Variants in CAMKMT observed in about 807,000 individuals in gnomAD.
CAMKMT encodes CaM KMT.
Under a neutral mutation model 48.0 loss-of-function variants are expected in CAMKMT, and 53 were observed. The observed-to-expected ratio is 1.10, with a 90% CI of 0.89 to 1.39. CAMKMT has a LOEUF of 1.39. Among genes scored for constraint, CAMKMT ranks in the 40% most tolerant of loss-of-function variants. The probability of loss-of-function intolerance (pLI) is 0.00; values close to 1 mark genes in which losing one functional copy is unlikely to be tolerated. For missense variants in CAMKMT, 428 were observed against 402.7 expected, an observed-to-expected ratio of 1.06 and a Z score of -0.54; for synonymous variants, 165 against 152.3, an observed-to-expected ratio of 1.08 and a Z score of -0.61.
chr2:44,398,866 G>C (rs181045109), intron 3 of CAMKMT, among the ~76,000 whole-genome samples: 1 of 152,136 alleles, frequency 6.6e-6, no homozygotes, highest in African/African-American at 2.4e-5. Flanking sequence ...CAAAATATTT[G>C]ATGATTGAAT....
chr2:44,402,118 G>A (rs1247032732), intron 3 of CAMKMT, among the ~76,000 whole-genome samples: 2 of 152,052 alleles, frequency 1.3e-5, no homozygotes, highest in Non-Finnish European at 2.9e-5. Context: ...CCTGAGGTTG[G>A]GCGTTCGAGA....
chr2:44,497,679 T>C (rs1038999662), intron 3 of CAMKMT, among the ~76,000 whole-genome samples: 5 of 147,974 alleles, frequency 3.4e-5, no homozygotes, highest in African/African-American at 7.4e-5. Flanking sequence ...GCATGTATTA[T>C]ACCTGTAATT....
intron 3 of CAMKMT, among the ~76,000 whole-genome samples, chr2:44,696,196 G>GC (rs2104239469): frequency 6.6e-6 from 1 of 152,302 alleles, no homozygotes. Flanking sequence ...GCCCGCCTCA[G>GC]CCTCCCAAAG....
At chr2:44,529,081 G>T (rs1276119215) in intron 3 of CAMKMT, among the ~76,000 whole-genome samples, 1 of 152,122 alleles carries the variant, frequency 6.6e-6, no homozygotes. Context: ...GGTATAGTTT[G>T]TATAGAAAAG....
At chr2:44,640,403 A>G (rs1319193190) in intron 3 of CAMKMT, among the ~76,000 whole-genome samples, 1 of 152,180 alleles carries the variant, frequency 6.6e-6, no homozygotes, top group Non-Finnish European at 1.5e-5. Context: ...GGTGCAAAAC[A>G]TAGGAATGTC....
chr2:44,565,780 G>A (rs1305038352), intron 3 of CAMKMT, among the ~76,000 whole-genome samples: 1 of 151,834 alleles, frequency 6.6e-6, no homozygotes, highest in Non-Finnish European at 1.5e-5. Context: ...TTTCCCCATT[G>A]TCTTATTCAC....
At chr2:44,650,892 A>G (rs1674021177) in intron 3 of CAMKMT, among the ~76,000 whole-genome samples, 1 of 152,172 alleles carries the variant, frequency 6.6e-6, no homozygotes, top group East Asian at 1.9e-4. Context: ...TGGAAACATT[A>G]CAACGAATAA....
chr2:44,651,604 G>C (rs1345996713), intron 3 of CAMKMT, among the ~76,000 whole-genome samples: 2 of 152,302 alleles, frequency 1.3e-5, no homozygotes, highest in Admixed American at 6.5e-5. Flanking sequence ...CATGTTTTTA[G>C]AAAGTGGCAT....
chr2:44,740,629 T>C (rs1276536424), intron 7 of CAMKMT, among the ~76,000 whole-genome samples: 1 of 152,188 alleles, frequency 6.6e-6, no homozygotes, highest in Admixed American at 6.5e-5. Context: ...TTCATAGTCA[T>C]GAATTTAAAG....
intron 3 of CAMKMT, among the ~76,000 whole-genome samples, chr2:44,414,749 C>T (rs1260354385): frequency 6.6e-6 from 1 of 152,164 alleles, no homozygotes; most frequent in Admixed American, 6.6e-5. Flanking sequence ...CCAAACTCCT[C>T]GTGATGGATA....
At chr2:44,471,293 A>G (rs1037893166) in intron 3 of CAMKMT, among the ~76,000 whole-genome samples, 2 of 152,010 alleles carry the variant, frequency 1.3e-5, no homozygotes, top group Non-Finnish European at 2.9e-5. Flanking sequence ...GCCCGGCTCT[A>G]ATGTTTCTTC....
At chr2:44,622,233 C>G (rs1396478609) in intron 3 of CAMKMT, among the ~76,000 whole-genome samples, 1 of 152,108 alleles carries the variant, frequency 6.6e-6, no homozygotes, top group African/African-American at 2.4e-5. Flanking sequence ...AGGAAAACTT[C>G]CACTTATTTA....
rs544929618 is a variant in CAMKMT, at chr2:44,636,517, A to G, written c.377-67766A>G. Among the ~76,000 whole-genome samples the G allele has an allele frequency of 2.6e-5, 4 of 152,320 alleles. No homozygotes were observed. The South Asian group carries it at 8.3e-4, about 32-fold the overall frequency. The stretch of plus-strand genomic sequence containing the variant: ...TAGGTGCAGCTGAGAACCTGACTGG[A>G]ATGGGACACAAAAAGGCTGAAAGAA... On this transcript the variant is annotated intron_variant, in intron 3 of 10. Transcript: ENST00000378494.
chr2:44,708,990 G>A (rs1041207465), intron 6 of CAMKMT, among the ~76,000 whole-genome samples: 2 of 152,178 alleles, frequency 1.3e-5, no homozygotes, highest in Admixed American at 1.3e-4. Context: ...TAGTCAGTAT[G>A]TAAGTCTAAT....
At chr2:44,591,736 T>A (rs1440879910) in intron 3 of CAMKMT, among the ~76,000 whole-genome samples, 2 of 151,836 alleles carry the variant, frequency 1.3e-5, no homozygotes, top group East Asian at 3.9e-4. Flanking sequence ...GGACTATAAA[T>A]CATGCTGCTA....
chr2:44,465,233 A>C (rs1330764619), intron 3 of CAMKMT, among the ~76,000 whole-genome samples: 1 of 152,154 alleles, frequency 6.6e-6, no homozygotes, highest in Non-Finnish European at 1.5e-5. Context: ...CCTCATAGTA[A>C]CCACAAAGAA....
chr2:44,366,718 G>GTTATTATTATTATTATTA (rs71393267), intron 1 of CAMKMT, among the ~76,000 whole-genome samples: 12 of 150,102 alleles, frequency 8.0e-5, no homozygotes, highest in Non-Finnish European at 1.3e-4. Flanking sequence ...AGCAGCTATT[G>GTTATTATTATTATTATTA]TTATTATTAT....
At chr2:44,652,800 G>A (rs1333057230) in intron 3 of CAMKMT, among the ~76,000 whole-genome samples, 1 of 152,172 alleles carries the variant, frequency 6.6e-6, no homozygotes, top group South Asian at 2.1e-4. Context: ...ACAATGAGGA[G>A]CCCTGCAAAG....
At chr2:44,427,627 A>G (rs1042098367) in intron 3 of CAMKMT, among the ~76,000 whole-genome samples, 1 of 152,208 alleles carries the variant, frequency 6.6e-6, no homozygotes, top group African/African-American at 2.4e-5. Flanking sequence ...CAATATACTC[A>G]TGTCACAAAC....
Sources: gnomAD v4.1 joint callset for allele counts (sites outside exome capture counted in the v4.1 genomes callset) on GRCh38, gnomAD v4.1.1 for gene constraint, MANE v1.5 for transcripts, NCBI Gene and HGNC (gene_info 2026-07-23, HGNC 2026-07-21) for gene names.